The following FAM200B variants were observed in gnomAD, a reference collection of about 807,000 sequenced individuals.
FAM200B encodes zinc finger BED-type containing 11, also known as protein FAM200B.
A neutral mutation model predicts 33.1 loss-of-function variants in FAM200B; 32 were observed. That is an observed-to-expected ratio of 0.97 (90% CI 0.73 to 1.30). The LOEUF is 1.30. Ranked by LOEUF, FAM200B falls within the 50% of genes most tolerant of loss-of-function variation. FAM200B has a pLI of 0.00. For missense variants in FAM200B, 741 were observed against 754.0 expected, an observed-to-expected ratio of 0.98 and a Z score of 0.20; for synonymous variants, 240 against 264.8, an observed-to-expected ratio of 0.91 and a Z score of 0.91.
the FAM200B span, among the ~76,000 whole-genome samples, chr4:15,658,032 TTC>T: frequency 1.3e-5 from 2 of 152,214 alleles, no homozygotes; most frequent in East Asian, 1.9e-4. Context: ...CCTACTCTCA[TTC>T]TCTCTCTGGC....
chr4:15,656,311 G>C, the FAM200B span: 26 of 456,086 alleles, frequency 5.7e-5, no homozygotes, highest in South Asian at 4.0e-4. Flanking sequence ...TGCTCACGCC[G>C]GTCAGTCTTA....
chr4:15,673,821 A>T, the FAM200B span, among the ~76,000 whole-genome samples: 1 of 152,176 alleles, frequency 6.6e-6, no homozygotes, highest in African/African-American at 2.4e-5. Flanking sequence ...CAACAGAGGG[A>T]TTCCACTAGG....
the FAM200B span, among the ~76,000 whole-genome samples, chr4:15,658,884 T>G: frequency 6.6e-6 from 1 of 152,192 alleles, no homozygotes; most frequent in Non-Finnish European, 1.5e-5. Context: ...TCCAGAGACT[T>G]AATTTTTTCA....
the FAM200B span, chr4:15,644,695 T>C: frequency 3.1e-6 from 5 of 1,608,156 alleles, no homozygotes; most frequent in Non-Finnish European, 4.2e-6. Flanking sequence ...GTTGGAAAAA[T>C]TGGTTTTAGA....
At chr4:15,653,691 T>C in the FAM200B span, among the ~76,000 whole-genome samples, 31 of 152,260 alleles carry the variant, frequency 2.0e-4, no homozygotes, top group Admixed American at 1.7e-3. Flanking sequence ...GAATGAACGA[T>C]ATTCAAAAGC....
rs1560265301 is a variant in FAM200B at position 15,687,951 on chromosome 4, A to G, written c.974A>G (p.His325Arg). 2.6e-6 allele frequency: 4 copies of G among 1,551,268 alleles called. No homozygotes were observed. The highest frequency in any genetic ancestry group is 3.5e-6 in the Non-Finnish European group (4 of 1,146,700). The change falls in exon 2 of 2, where the codon CAT (histidine) becomes CGT (arginine). Residue 325 changes from histidine (H) to arginine (R), a missense_variant. Physicochemically the swap from His to Arg is conservative, Grantham distance 29 (BLOSUM62 0). Coordinates refer to ENST00000422728, the MANE Select transcript of FAM200B (RefSeq NM_001145191.2). Reference sequence around the variant, plus strand: ...ACTAATAATGGTGCTGTGTGGAATCATTGTTTTATACATCGTGAAGGTTTA... The same window carrying G: ...ACTAATAATGGTGCTGTGTGGAATCGTTGTTTTATACATCGTGAAGGTTTA... ...EVTNNGAVWN[H>R]CFIHREGLAS... is the part of the protein sequence containing the mutation.
chr4:15,674,539 T>C, the FAM200B span, among the ~76,000 whole-genome samples: 2 of 152,202 alleles, frequency 1.3e-5, no homozygotes, highest in South Asian at 4.1e-4. Flanking sequence ...TCATAACTTT[T>C]TTCCTTACAA....
chr4:15,645,090 C>T, the FAM200B span, among the ~76,000 whole-genome samples: 21 of 151,130 alleles, frequency 1.4e-4, no homozygotes, highest in Non-Finnish European at 1.6e-4. Context: ...ATACAACAGA[C>T]GGGTAGATGA....
the FAM200B span, chr4:15,655,418 TGGCCGGCGG>T: frequency 9.0e-6 from 9 of 1,001,076 alleles, no homozygotes; most frequent in Non-Finnish European, 1.1e-5. Flanking sequence ...CCGGTCGGCT[TGGCCGGCGG>T]GGACGCGGGG....
the FAM200B span, among the ~76,000 whole-genome samples, chr4:15,649,837 A>T: frequency 2.0e-5 from 3 of 152,310 alleles, no homozygotes; most frequent in South Asian, 6.2e-4. Context: ...TCCTCATTTT[A>T]CAGACTAACA....
chr4:15,681,357 C>A, upstream of FAM200B: 1 of 165,032 alleles, frequency 6.1e-6, no homozygotes, highest in South Asian at 1.6e-4. Context: ...GCTTACCCCG[C>A]GGCAGGAGCG....
At chr4:15,666,258 G>A in the FAM200B span, among the ~76,000 whole-genome samples, 1 of 152,030 alleles carries the variant, frequency 6.6e-6, no homozygotes, top group African/African-American at 2.4e-5. Context: ...AATTAGCCAG[G>A]TATGGTGGTG....
upstream of FAM200B, among the ~76,000 whole-genome samples, chr4:15,679,018 T>C (rs1718097433): frequency 6.6e-6 from 1 of 151,610 alleles, no homozygotes; most frequent in African/African-American, 2.4e-5. Flanking sequence ...AGCACTATCA[T>C]AATTCTCAAA....
chr4:15,676,615 T>C, the FAM200B span, among the ~76,000 whole-genome samples: 1 of 152,076 alleles, frequency 6.6e-6, no homozygotes. Flanking sequence ...ATAAAAATGT[T>C]ACAGGGTCAT....
the FAM200B span, chr4:15,659,636 T>C: frequency 1.9e-5 from 8 of 415,910 alleles, no homozygotes; most frequent in Admixed American, 5.1e-4. Context: ...TCTGGAGATA[T>C]AATGTGTATA....
chr4:15,654,759 G>A, the FAM200B span, among the ~76,000 whole-genome samples: 2 of 152,200 alleles, frequency 1.3e-5, no homozygotes, highest in Non-Finnish European at 2.9e-5. Context: ...CCCCGAACAG[G>A]CCCGGGGGAG....
chr4:15,671,329 C>T, the FAM200B span, among the ~76,000 whole-genome samples: 1 of 152,156 alleles, frequency 6.6e-6, no homozygotes, highest in Non-Finnish European at 1.5e-5. Context: ...TAACTTCTTA[C>T]CTTTGTAACT....
chr4:15,665,420 C>T, the FAM200B span, among the ~76,000 whole-genome samples: 28 of 152,144 alleles, frequency 1.8e-4, no homozygotes. Flanking sequence ...CAGCTCATTT[C>T]TTCTATCCTT....
At chr4:15,653,923 TTAAG>T in the FAM200B span, among the ~76,000 whole-genome samples, 2 of 152,210 alleles carry the variant, frequency 1.3e-5, no homozygotes, top group African/African-American at 4.8e-5. Context: ...AGTTTTTAGT[TTAAG>T]GCTAATAAGC....
Sources: gnomAD v4.1 joint callset for allele counts (sites outside exome capture counted in the v4.1 genomes callset) on GRCh38, gnomAD v4.1.1 for gene constraint, MANE v1.5 for transcripts, NCBI Gene and HGNC (gene_info 2026-07-23, HGNC 2026-07-21) for gene names.